RUNDC3B: variants seen among roughly 807,000 people sequenced by gnomAD.
RUNDC3B encodes RUN domain containing 3B, also known as RUN domain-containing protein 3B.
RUNDC3B carries 33 observed loss-of-function variants against 58.4 expected under a neutral mutation model. The observed-to-expected ratio is 0.56, with a 90% CI of 0.43 to 0.75. The LOEUF is 0.75. Among genes scored for constraint, RUNDC3B ranks in the 30% least tolerant of loss-of-function variants. RUNDC3B has a pLI of 0.00. For missense variants in RUNDC3B, 501 were observed against 535.7 expected, an observed-to-expected ratio of 0.94 and a Z score of 0.64; for synonymous variants, 193 against 195.2, an observed-to-expected ratio of 0.99 and a Z score of 0.10.
chr7:87,817,629 T>C (rs1837132716), intron 10 of RUNDC3B, among the ~76,000 whole-genome samples: 2 of 152,152 alleles, frequency 1.3e-5, no homozygotes, highest in Admixed American at 1.3e-4. Flanking sequence ...TAGATTCTTT[T>C]CAAATGTCAT....
intron 2 of RUNDC3B, among the ~76,000 whole-genome samples, chr7:87,690,726 G>C (rs1827936135): frequency 6.6e-6 from 1 of 152,088 alleles, no homozygotes; most frequent in Non-Finnish European, 1.5e-5. Flanking sequence ...ATTAGTAATA[G>C]AATATGTTCT....
At chr7:87,685,533 A>G (rs1316278652) in intron 2 of RUNDC3B, among the ~76,000 whole-genome samples, 2 of 152,210 alleles carry the variant, frequency 1.3e-5, no homozygotes, top group East Asian at 3.9e-4. Context: ...ACACACAACA[A>G]CATGTATAAA....
At chr7:87,801,749 A>C (rs941775579) in intron 8 of RUNDC3B, among the ~76,000 whole-genome samples, 1 of 152,226 alleles carries the variant, frequency 6.6e-6, no homozygotes, top group Non-Finnish European at 1.5e-5. Flanking sequence ...TGGGCGAAAG[A>C]GCAAGACTGT....
intron 2 of RUNDC3B, among the ~76,000 whole-genome samples, chr7:87,669,988 T>C (rs972459703): frequency 3.9e-5 from 6 of 152,216 alleles, no homozygotes; most frequent in African/African-American, 1.4e-4. Context: ...AGGAGTTCTC[T>C]GTATTTTCTG....
intron 2 of RUNDC3B, among the ~76,000 whole-genome samples, chr7:87,677,682 A>G (rs1370336073): frequency 6.6e-6 from 1 of 152,178 alleles, no homozygotes; most frequent in Non-Finnish European, 1.5e-5. Context: ...ACAGAACAAA[A>G]CAAAAAACCC....
At chr7:87,757,922 A>T (rs1443475809) in intron 6 of RUNDC3B, among the ~76,000 whole-genome samples, 3 of 152,172 alleles carry the variant, frequency 2.0e-5, no homozygotes, top group Non-Finnish European at 4.4e-5. Flanking sequence ...TCTCTTCAAT[A>T]AATGGTGCTG....
intron 2 of RUNDC3B, among the ~76,000 whole-genome samples, chr7:87,664,281 G>T (rs1330487795): frequency 1.3e-5 from 2 of 152,066 alleles, no homozygotes; most frequent in Admixed American, 1.3e-4. Context: ...CACTATTATT[G>T]TACCTGGAGA....
At chr7:87,719,990 CA>C (rs11363135) in intron 4 of RUNDC3B, among the ~76,000 whole-genome samples, 46,260 of 112,016 alleles carry the variant, frequency 0.41, 8,665 homozygotes, top group South Asian at 0.64. Context: ...TGACTACATC[CA>C]AAAAAAAAAA....
intron 10 of RUNDC3B, among the ~76,000 whole-genome samples, chr7:87,826,980 G>T (rs898497871): frequency 6.6e-6 from 1 of 152,082 alleles, no homozygotes; most frequent in Non-Finnish European, 1.5e-5. Flanking sequence ...AAGCAAATAT[G>T]TCATCTAGAA....
intron 4 of RUNDC3B, among the ~76,000 whole-genome samples, chr7:87,716,396 A>G (rs1830556702): frequency 6.6e-6 from 1 of 152,222 alleles, no homozygotes; most frequent in South Asian, 2.1e-4. Context: ...AATATACTGA[A>G]TCATGTTCTG....
chr7:87,684,592 C>T (rs1827255988), intron 2 of RUNDC3B, among the ~76,000 whole-genome samples: 1 of 151,306 alleles, frequency 6.6e-6, no homozygotes. Context: ...ACTAAAAATA[C>T]AAAAAATTAG....
chr7:87,706,675 G>C (rs1309629186), intron 3 of RUNDC3B, among the ~76,000 whole-genome samples: 1 of 152,158 alleles, frequency 6.6e-6, no homozygotes, highest in Non-Finnish European at 1.5e-5. Context: ...TCACATCCTA[G>C]GTATAGAGAC....
At chr7:87,696,514 T>C (rs1296116387) in intron 2 of RUNDC3B, among the ~76,000 whole-genome samples, 1 of 152,206 alleles carries the variant, frequency 6.6e-6, no homozygotes, top group East Asian at 1.9e-4. Flanking sequence ...CAGAAATTAA[T>C]TATTTAGATG....
intron 1 of RUNDC3B, among the ~76,000 whole-genome samples, chr7:87,634,611 A>C (rs1452844878): frequency 6.6e-6 from 1 of 150,760 alleles, no homozygotes; most frequent in African/African-American, 2.4e-5. Context: ...TGGGAGAAAG[A>C]GTGAGACTCT....
intron 2 of RUNDC3B, among the ~76,000 whole-genome samples, chr7:87,695,254 G>C (rs1256185373): frequency 5.3e-5 from 8 of 151,892 alleles, no homozygotes; most frequent in Non-Finnish European, 1.0e-4. Context: ...AAAGCTGGAT[G>C]GTCTAATAAA....
rs137913354 is a variant in RUNDC3B at position 87,733,568 on chromosome 7, G to A, written c.459-6223G>A. Among the ~76,000 whole-genome samples, 133 of 152,264 alleles carry A rather than the reference G, an allele frequency of 8.7e-4. 1 individual carries two copies. The highest frequency in any genetic ancestry group is 2.7e-3 in the African/African-American group (114 of 41,564). ...ACAGATCATAATCTGATAAGGCAGC[G>A]GTCCCCAACCTTTTTGGCAACAGGG... On this transcript the variant is annotated intron_variant, in intron 4 of 10. Transcript: ENST00000394654.
At chr7:87,661,016 T>TTAATTGTTG (rs1487730500) in intron 2 of RUNDC3B, among the ~76,000 whole-genome samples, 9 of 152,170 alleles carry the variant, frequency 5.9e-5, no homozygotes, top group African/African-American at 2.2e-4. Context: ...AGATGTATTC[T>TTAATTGTTG]TAATTGTTGA....
At chr7:87,780,025 A>G (rs565513454) in intron 8 of RUNDC3B, among the ~76,000 whole-genome samples, 7 of 152,260 alleles carry the variant, frequency 4.6e-5, no homozygotes, top group African/African-American at 1.2e-4. Context: ...TCTTTATCCA[A>G]TCCACTGTGA....
At chr7:87,788,936 T>C (rs1375143151) in intron 8 of RUNDC3B, among the ~76,000 whole-genome samples, 1 of 152,176 alleles carries the variant, frequency 6.6e-6, no homozygotes, top group Non-Finnish European at 1.5e-5. Flanking sequence ...GTTGAGAATA[T>C]CGACAATAAT....
Sources: allele counts gnomAD v4.1 joint callset (sites outside exome capture counted in the v4.1 genomes callset), GRCh38; gene constraint gnomAD v4.1.1; transcripts MANE v1.5; gene names NCBI Gene and HGNC (gene_info 2026-07-23, HGNC 2026-07-21).